LRRTM4: variants seen among roughly 807,000 people sequenced by gnomAD.
LRRTM4 encodes leucine rich repeat transmembrane neuronal 4.
In LRRTM4, 25 loss-of-function variants were observed where a neutral mutation model predicts 47.6. The ratio of observed to expected loss-of-function variants is 0.53; its 90% confidence interval spans 0.38 to 0.73. LRRTM4 has a LOEUF of 0.73. Among genes scored for constraint, LRRTM4 ranks in the 30% least tolerant of loss-of-function variants. The pLI is 0.00. For synonymous variants in LRRTM4, 311 were observed against 269.5 expected (o/e 1.15, Z -1.51); for missense variants, 638 against 713.4 (o/e 0.89, Z 1.20).
At chr2:77,230,707 C>T (rs1376629057) in intron 3 of LRRTM4, among the ~76,000 whole-genome samples, 1 of 151,982 alleles carries the variant, frequency 6.6e-6, no homozygotes, top group East Asian at 1.9e-4. Context: ...AACTCACTGC[C>T]TAGAACAGAG....
At chr2:77,221,378 G>A (rs1674626142) in intron 3 of LRRTM4, among the ~76,000 whole-genome samples, 1 of 152,250 alleles carries the variant, frequency 6.6e-6, no homozygotes, top group African/African-American at 2.4e-5. Flanking sequence ...ATGTAAATGG[G>A]CTAAGTGCTC....
chr2:77,173,427 A>T (rs1673109221), intron 3 of LRRTM4, among the ~76,000 whole-genome samples: 1 of 152,138 alleles, frequency 6.6e-6, no homozygotes, highest in Non-Finnish European at 1.5e-5. Flanking sequence ...CATCTTCTGT[A>T]ATTTTCCTGA....
At chr2:77,170,820 A>G (rs4853304) in intron 3 of LRRTM4, among the ~76,000 whole-genome samples, 96,600 of 150,636 alleles carry the variant, frequency 0.64, 30,957 homozygotes, top group South Asian at 0.68. Flanking sequence ...AAGGGTATGT[A>G]TGTATGTTTG....
chr2:76,862,298 G>A (rs1558699112), intron 3 of LRRTM4, among the ~76,000 whole-genome samples: 1 of 152,110 alleles, frequency 6.6e-6, no homozygotes, highest in Admixed American at 6.6e-5. Flanking sequence ...CTGTTCTAAG[G>A]TGAGGAAGGC....
chr2:77,074,865 G>A (rs1026364924), intron 3 of LRRTM4, among the ~76,000 whole-genome samples: 1 of 151,988 alleles, frequency 6.6e-6, no homozygotes, highest in Non-Finnish European at 1.5e-5. Flanking sequence ...TTAAGTTATG[G>A]TTTAAAGGAA....
At chr2:76,982,437 G>A (rs1676643070) in intron 3 of LRRTM4, among the ~76,000 whole-genome samples, 1 of 152,040 alleles carries the variant, frequency 6.6e-6, no homozygotes, top group Non-Finnish European at 1.5e-5. Flanking sequence ...AGGAAAAAAA[G>A]TATTTGAAGT....
At chr2:77,031,575 A>T (rs1193416522) in intron 3 of LRRTM4, among the ~76,000 whole-genome samples, 2 of 151,990 alleles carry the variant, frequency 1.3e-5, no homozygotes, top group African/African-American at 2.4e-5. Context: ...TATATTAGAG[A>T]GTCCCAAGGT....
At chr2:77,221,433 C>A (rs985964652) in intron 3 of LRRTM4, among the ~76,000 whole-genome samples, 1 of 151,996 alleles carries the variant, frequency 6.6e-6, no homozygotes, top group African/African-American at 2.4e-5. Context: ...GAGTCAAGAC[C>A]CATCAGTGTG....
chr2:77,448,046 G>C (rs1308697330), intron 3 of LRRTM4, among the ~76,000 whole-genome samples: 2 of 152,074 alleles, frequency 1.3e-5, no homozygotes, highest in African/African-American at 4.8e-5. Flanking sequence ...AAAGAGAAAG[G>C]TGCAAAAGAC....
intron 3 of LRRTM4, among the ~76,000 whole-genome samples, chr2:77,362,166 A>AAGGAAGGAAGGAAGGAAGG (rs1558707453): frequency 2.7e-5 from 3 of 110,438 alleles, no homozygotes; most frequent in African/African-American, 1.4e-4. Context: ...AGAAAGAAAG[A>AAGGAAGGAAGGAAGGAAGG]AAGAAAGGAA....
intron 3 of LRRTM4, among the ~76,000 whole-genome samples, chr2:76,809,554 G>C (rs1670665938): frequency 6.6e-6 from 1 of 152,064 alleles, no homozygotes; most frequent in Non-Finnish European, 1.5e-5. Flanking sequence ...CCCTCAGCCA[G>C]GCAATCACTA....
intron 3 of LRRTM4, among the ~76,000 whole-genome samples, chr2:77,220,275 C>T (rs935314857): frequency 3.3e-5 from 5 of 152,128 alleles, no homozygotes; most frequent in East Asian, 3.9e-4. Context: ...GCAGAAAAAC[C>T]GGAAACTCTA....
intron 3 of LRRTM4, among the ~76,000 whole-genome samples, chr2:77,466,665 A>G (rs1676992894): frequency 6.6e-6 from 1 of 151,082 alleles, no homozygotes; most frequent in Non-Finnish European, 1.5e-5. Flanking sequence ...CCAATAAAAT[A>G]TTTGGTGCTA....
chr2:76,805,631 A>G (rs1373382823), intron 3 of LRRTM4, among the ~76,000 whole-genome samples: 1 of 152,164 alleles, frequency 6.6e-6, no homozygotes, highest in Non-Finnish European at 1.5e-5. Context: ...TTTTAGGGCA[A>G]TTCATAATGA....
intron 3 of LRRTM4, among the ~76,000 whole-genome samples, chr2:77,071,056 C>G (rs1377836785): frequency 1.3e-5 from 2 of 152,154 alleles, no homozygotes; most frequent in East Asian, 3.9e-4. Context: ...TTTTTTATCT[C>G]AGAGATCACA....
chr2:77,008,153 C>A (rs559970101), intron 3 of LRRTM4, among the ~76,000 whole-genome samples: 9 of 152,104 alleles, frequency 5.9e-5, no homozygotes, highest in Admixed American at 1.3e-4. Flanking sequence ...TAAGTAAAAA[C>A]TTCAAATGTT....
At chr2:76,837,765 T>G (rs1051422063) in intron 3 of LRRTM4, among the ~76,000 whole-genome samples, 19 of 152,142 alleles carry the variant, frequency 1.2e-4, no homozygotes, top group Non-Finnish European at 1.9e-4. Flanking sequence ...CACAAAAAAT[T>G]ATGAGTTCAT....
intron 3 of LRRTM4, among the ~76,000 whole-genome samples, chr2:76,907,909 G>C (rs1186360975): frequency 6.8e-6 from 1 of 146,918 alleles, no homozygotes; most frequent in African/African-American, 2.6e-5. Flanking sequence ...AATTCTACCA[G>C]AGGTACAAGG....
chr2:76,905,301 A>T (rs1673788955), intron 3 of LRRTM4, among the ~76,000 whole-genome samples: 1 of 152,156 alleles, frequency 6.6e-6, no homozygotes, highest in African/African-American at 2.4e-5. Context: ...TGTCTGTTAG[A>T]AGGAAAACTA....
Sources: allele counts gnomAD v4.1 joint callset (sites outside exome capture counted in the v4.1 genomes callset), GRCh38; gene constraint gnomAD v4.1.1; transcripts MANE v1.5; gene names NCBI Gene and HGNC (gene_info 2026-07-23, HGNC 2026-07-21).